SMTN: variants seen among roughly 807,000 people sequenced by gnomAD.
The protein encoded by SMTN is smoothelin.
Under a neutral mutation model 102.0 loss-of-function variants are expected in SMTN, and 58 were observed. The ratio of observed to expected loss-of-function variants is 0.57; its 90% CI spans 0.46 to 0.71. The LOEUF is 0.71. Among genes scored for constraint, SMTN ranks in the 30% least tolerant of loss-of-function variants. SMTN has a pLI of 0.00. For missense variants in SMTN, 1,185 were observed against 1,241.7 expected (o/e 0.95, Z 0.69); for synonymous variants, 478 against 497.9 (o/e 0.96, Z 0.53).
At chr22:31,086,658 T>C (rs942883760) in intron 2 of SMTN, among the ~76,000 whole-genome samples, 1 of 152,102 alleles carries the variant, frequency 6.6e-6, no homozygotes, top group Admixed American at 6.5e-5. Flanking sequence ...CACAGAGAGT[T>C]TAAGGGATAT....
At position 31,097,282 on chromosome 22, in the gene SMTN, C is replaced by T; in HGVS notation, c.2103C>T (p.Ser701=). The T allele has an allele frequency of 6.2e-7, 1 of 1,614,198 alleles. No homozygotes were observed. ...FVRRSENGSG[S]TMMQTKTFSS... ...CCTTTTTTGCAGATGGCAGTGGCAG[C>T]ACCATGATGCAAACCAAGACCTTCT... Residue 701 remains serine, a synonymous_variant, in exon 16 of 21, where the codon AGC becomes AGT. Transcript: ENST00000333137.
Position 31,088,933 on chromosome 22 carries a change from C to A in SMTN, c.435C>A (p.Ser145Arg). 6.2e-7 allele frequency: 1 copy of A among 1,613,886 alleles called. No individual in the cohort carries two copies. The highest frequency in any genetic ancestry group is 1.1e-5 in the South Asian group (1 of 91,082). The change falls in exon 6 of 21, where the codon AGC (serine) becomes AGA (arginine). Residue 145 changes from serine to arginine, a missense_variant. Ser to Arg is a moderately radical substitution (Grantham distance 110, BLOSUM62 -1). Transcript: ENST00000333137. Reference protein sequence around the residue: ...GRPNSGSREDSKGLAAHRLEQ... With the variant: ...GRPNSGSREDRKGLAAHRLEQ... Reference sequence around the variant, plus strand: ...CCAACAGTGGCTCAAGAGAGGACAGCAAGGGGCTAGCGGCACACAGGCTGG... The same window carrying A: ...CCAACAGTGGCTCAAGAGAGGACAGAAAGGGGCTAGCGGCACACAGGCTGG...
intron 2 of SMTN, 108 bp from the exon 3 acceptor site, chr22:31,087,857 G>C (rs529007642): frequency 7.3e-6 from 9 of 1,233,426 alleles, no homozygotes; most frequent in Non-Finnish European, 9.9e-6. Context: ...TTGGGACACA[G>C]GGAGTGGACA....
intron 15 of SMTN, 33 bp downstream of exon 15, chr22:31,097,093 T>G (rs369604539): frequency 2.8e-5 from 45 of 1,605,376 alleles, no homozygotes; most frequent in Non-Finnish European, 3.8e-5. Flanking sequence ...TGTGCCTGCC[T>G]GCCTGTCCGC....
chr22:31,101,276 G>A, intron 20 of SMTN: 1 of 503,360 alleles, frequency 2.0e-6, no homozygotes. Context: ...AAGCCCAGGG[G>A]AGATGCCTGA....
chr22:31,099,667 G>C, intron 18 of SMTN, 78 bp from the exon 19 acceptor site: 3 of 1,532,602 alleles, frequency 2.0e-6, no homozygotes, highest in Non-Finnish European at 2.7e-6. Flanking sequence ...CCTAGGTCTG[G>C]AATAACAGAA....
chr22:31,092,571 T>C lies in SMTN; in HGVS notation c.1632+724T>C, dbSNP rs1285496543. Reference sequence around the variant, plus strand: ...CTAAACCAGGGACTGAATGGGACTTTGGCTGAGGTGAGATGGCTAGACCAG... The same window carrying C: ...CTAAACCAGGGACTGAATGGGACTTCGGCTGAGGTGAGATGGCTAGACCAG... On this transcript the variant is annotated intron_variant, in intron 11 of 20. Coordinates refer to ENST00000333137, the MANE Select transcript of SMTN (RefSeq NM_134269.3). 4 of 470,484 alleles carry C rather than the reference T, an allele frequency of 8.5e-6. No individual in the cohort carries two copies. The Admixed American group carries it at 9.4e-5, about 11-fold the overall frequency. The allele number at this position is 470,484 out of a possible 1,614,324, so 29.1% of individuals were successfully genotyped here. A position where few individuals can be genotyped will look rare whatever the true frequency, so the allele number is the denominator to read the frequency against.
Position 31,097,037 on chromosome 22 carries a change from C to CGCTCGGA in SMTN, c.2067_2068insCTCGGAG (p.Ser690LeufsTer82). 1 of 1,614,176 alleles carries CGCTCGGA rather than the reference C, an allele frequency of 6.2e-7. No homozygotes were observed. The highest frequency in any genetic ancestry group is 2.2e-5 in the East Asian group (1 of 44,886). On this transcript the variant is annotated frameshift_variant, in exon 15 of 21. Transcript: ENST00000333137. LOFTEE classifies it high-confidence loss of function. Reference sequence around the variant, plus strand: ...ACGGCCCGCACCACCACAGTGGAGTCGAGTTTCGTGAGGCGCTCGGAGAGT... The same window carrying CGCTCGGA: ...ACGGCCCGCACCACCACAGTGGAGTCGCTCGGAGAGTTTCGTGAGGCGCTCGGAGAGT...
Position 31,098,698 on chromosome 22 carries a change from C to G in SMTN, c.2191C>G (p.Arg731Gly). The change falls in exon 17 of 21, where the codon CGG becomes GGG. Residue 731 changes from arginine to glycine, a missense_variant. This residue lies in a region of SMTN where 1,096 missense variants were observed against 1,112.7 expected (regional missense o/e 0.98). Coordinates refer to ENST00000333137, the MANE Select transcript of SMTN (RefSeq NM_134269.3). ...CGACCGCGAGGACCAGGCCAGCCCA[C>G]GGGCCGGCAGCCTGGCGGCGCTCGA... ...IFDREDQASP[R>G]AGSLAALEKR... 6.2e-7 allele frequency: 1 copy of G among 1,613,536 alleles called. No homozygotes were observed. The highest frequency in any genetic ancestry group is 8.5e-7 in the Non-Finnish European group (1 of 1,179,926).
chr22:31,096,680 C>T, intron 13 of SMTN, 53 bp from the exon 14 acceptor site: 1 of 1,495,920 alleles, frequency 6.7e-7, no homozygotes, highest in South Asian at 1.3e-5. Flanking sequence ...TGCATCTGTG[C>T]TGTGTGGGTG....
At chr22:31,096,708 C>T (rs1489127572) in intron 13 of SMTN, 25 bp from the exon 14 acceptor site, 1 of 1,508,514 alleles carries the variant, frequency 6.6e-7, no homozygotes, top group Non-Finnish European at 8.8e-7. Flanking sequence ...CCCTTTTGCG[C>T]ATGCATGGGG....
rs2043651348 is a variant in SMTN, at chr22:31,097,068, C to T, written c.2089+8C>T. ...TCGTGAGGCGCTCGGAGAGTAAGGC[C>T]ACCTGGTGTCGCCCTGTGCCTGCCT... On this transcript the variant is annotated splice_region_variant and intron_variant, in intron 15 of 20. Coordinates refer to ENST00000333137, the MANE Select transcript of SMTN (RefSeq NM_134269.3). The T allele has an allele frequency of 6.2e-7, 1 of 1,613,646 alleles. No individual in the cohort carries two copies. Among genetic ancestry groups the T allele is most frequent in the Non-Finnish European group, 8.5e-7 (1 of 1,179,672 alleles).
intron 13 of SMTN, 60 bp from the exon 14 acceptor site, chr22:31,096,673 A>G: frequency 8.1e-6 from 12 of 1,486,192 alleles, no homozygotes; most frequent in Non-Finnish European, 1.1e-5. Context: ...GCACCTGTGC[A>G]TCTGTGCTGT....
intron 13 of SMTN, chr22:31,096,511 T>C (rs2043588035): frequency 2.2e-6 from 1 of 464,210 alleles, no homozygotes; most frequent in Non-Finnish European, 3.8e-6. Flanking sequence ...TATTCTCTAG[T>C]TTCTGCCTGA....
Position 31,088,703 on chromosome 22 carries a change from G to A in SMTN, c.299G>A (p.Arg100Gln), listed in dbSNP as rs547409078. ...CGACCTGTCTCTTACCCACAGTTGCGAAGCGCTGGTGAGTATGAGGAGCGC... is the reference window on the plus strand; with the variant it reads ...CGACCTGTCTCTTACCCACAGTTGCAAAGCGCTGGTGAGTATGAGGAGCGC... ...NDVEELTALL[R>Q]SAGEYEERKL... Residue 100 changes from arginine to glutamine, a missense_variant, in exon 5 of 21, where the codon CGA becomes CAA. Physicochemically the swap from Arg to Gln is conservative, Grantham distance 43. Coordinates refer to ENST00000333137, the MANE Select transcript of SMTN (RefSeq NM_134269.3). 1.1e-5 allele frequency: 17 copies of A among 1,613,762 alleles called. No homozygotes were observed. The highest frequency in any genetic ancestry group is 4.5e-5 in the East Asian group (2 of 44,862).
chr22:31,082,587 A>C, intron 1 of SMTN: 1 of 541,332 alleles, frequency 1.8e-6, no homozygotes, highest in East Asian at 4.9e-5. Flanking sequence ...TGAATTCTGT[A>C]TGAATTGGCA....
intron 16 of SMTN, among the ~76,000 whole-genome samples, 192 bp from the exon 17 acceptor site, chr22:31,098,475 C>A (rs1171750424): frequency 1.3e-5 from 2 of 152,068 alleles, no homozygotes; most frequent in African/African-American, 2.4e-5. Flanking sequence ...CTGTTGAAAA[C>A]CTTGCTGTCA....
In SMTN at chr22:31,091,296, C is replaced by T; in HGVS notation, c.1273C>T (p.Pro425Ser). The change falls in exon 10 of 21, where the codon CCC (proline) becomes TCC (serine). Residue 425 changes from proline (P) to serine (S), a missense_variant. Coordinates refer to ENST00000333137, the MANE Select transcript of SMTN (RefSeq NM_134269.3). ...CAGGGGGCGGGGCTTGGCTGCTAGG[C>T]CCCTTGAAAACAGAGCAGGGGGGCC... ...GPRGRGLAAR[P>S]LENRAGGPVA... 2 of 1,600,586 alleles carry T rather than the reference C, an allele frequency of 1.2e-6. No individual in the cohort carries two copies.
At chr22:31,100,862 T>TCCCGGCCCCCTACCCTC in intron 19 of SMTN, 23 bp from the exon 20 acceptor site, 2 of 805,006 alleles carry the variant, frequency 2.5e-6, no homozygotes, top group South Asian at 1.4e-5. Flanking sequence ...CCCCACCCCT[T>TCCCGGCCCCCTACCCTC]CCCGGCCCCC....
Sources: allele counts gnomAD v4.1 joint callset (sites outside exome capture counted in the v4.1 genomes callset), GRCh38; gene constraint gnomAD v4.1.1; regional missense constraint gnomAD v4.1.1; transcripts MANE v1.5; gene names NCBI Gene and HGNC (gene_info 2026-07-23, HGNC 2026-07-21).